The following SNX24 variants were observed in gnomAD, a reference collection of about 807,000 sequenced individuals.
The protein encoded by SNX24 is sorting nexin-24.
SNX24 carries 22 observed loss-of-function variants against 28.7 expected under a neutral mutation model. The ratio of observed to expected loss-of-function variants is 0.77; its 90% CI spans 0.55 to 1.10. SNX24 has a LOEUF of 1.10. Among genes scored for constraint, SNX24 ranks in the 50% least tolerant of loss-of-function variants. SNX24 has a pLI of 0.00. For synonymous variants in SNX24, 69 were observed against 71.5 expected (o/e 0.96, Z 0.18); for missense variants, 221 against 201.1 (o/e 1.10, Z -0.60).
intron 1 of SNX24, among the ~76,000 whole-genome samples, chr5:122,869,997 G>A (rs970443481): frequency 3.3e-5 from 5 of 151,808 alleles, no homozygotes; most frequent in Admixed American, 6.6e-5. Context: ...GTAGTACAAA[G>A]TAGTATAACT....
chr5:122,879,113 A>G (rs1305531966), intron 1 of SNX24, among the ~76,000 whole-genome samples: 1 of 152,230 alleles, frequency 6.6e-6, no homozygotes, highest in Admixed American at 6.5e-5. Flanking sequence ...GTATTATTCT[A>G]ACATGTAATC....
chr5:122,868,963 A>G (rs1368556658), intron 1 of SNX24, among the ~76,000 whole-genome samples: 2 of 152,180 alleles, frequency 1.3e-5, no homozygotes, highest in African/African-American at 4.8e-5. Context: ...GTTTTTCTTC[A>G]TTTTGTTCAG....
chr5:122,984,290 GA>G lies in SNX24; in HGVS notation c.250-15612del, dbSNP rs11395046. Among the ~76,000 whole-genome samples, 473 of 150,074 alleles carry G rather than the reference GA, an allele frequency of 3.2e-3. 2 individuals carry two copies. Among genetic ancestry groups the G allele is most frequent in the African/African-American group, 0.01 (420 of 40,884 alleles). On this transcript the variant is annotated intron_variant, in intron 3 of 6. Transcript: ENST00000261369. ...GTATTCTTAGAATAGCTACAATACAGAAAAAAAAAATCCACTGCATTTTATA... is the reference window on the plus strand; with the variant it reads ...GTATTCTTAGAATAGCTACAATACAGAAAAAAAAATCCACTGCATTTTATA...
chr5:122,935,924 C>T (rs30045), intron 1 of SNX24, among the ~76,000 whole-genome samples: 117,109 of 152,078 alleles, frequency 0.77, 45,969 homozygotes, highest in East Asian at 0.99. Context: ...AAGTCAAATA[C>T]AAACTTTTGG....
At chr5:122,940,257 G>A (rs1040725437) in intron 2 of SNX24, among the ~76,000 whole-genome samples, 2 of 152,110 alleles carry the variant, frequency 1.3e-5, no homozygotes, top group Non-Finnish European at 2.9e-5. Context: ...GCCTCCCAAA[G>A]TGCTAGAGTT....
At chr5:122,927,296 C>G (rs1027217253) in intron 1 of SNX24, among the ~76,000 whole-genome samples, 5 of 152,182 alleles carry the variant, frequency 3.3e-5, no homozygotes, top group African/African-American at 1.2e-4. Flanking sequence ...AGAACTAGAA[C>G]TCCTAACCGC....
At chr5:122,906,257 T>A (rs1356455870) in intron 1 of SNX24, among the ~76,000 whole-genome samples, 1 of 152,222 alleles carries the variant, frequency 6.6e-6, no homozygotes, top group African/African-American at 2.4e-5. Flanking sequence ...TAGCACCCCA[T>A]ACCTGGCTCA....
intron 1 of SNX24, among the ~76,000 whole-genome samples, chr5:122,919,897 A>G (rs756338496): frequency 1.4e-4 from 21 of 152,186 alleles, no homozygotes; most frequent in Admixed American, 2.0e-4. Flanking sequence ...AAATGCCTTT[A>G]AAAGGGCCCA....
chr5:123,012,300 A>G (rs1275234411), downstream of SNX24, among the ~76,000 whole-genome samples: 2 of 152,252 alleles, frequency 1.3e-5, no homozygotes, highest in Non-Finnish European at 2.9e-5. Context: ...CAAAAGGTGG[A>G]AACAACCCAA....
chr5:122,850,794 A>T (rs1300832170), intron 1 of SNX24, among the ~76,000 whole-genome samples: 18 of 113,838 alleles, frequency 1.6e-4, no homozygotes, highest in African/African-American at 4.0e-4. Flanking sequence ...AAAAGTTAAA[A>T]AAAAAAAAAA....
chr5:122,936,812 A>T lies in SNX24; in HGVS notation c.139A>T (p.Lys47Ter). ...ATACAGCGAATTTCATGCTTTGCAC[A>T]AAAAGGTAACTTGTTTTCTGTTTTT... Reference protein sequence around the residue: ...KRYSEFHALHKKLKKCIKTPE... With the variant: ...KRYSEFHALH Residue 47 changes from lysine to a stop codon, truncating the protein, a stop_gained, in exon 2 of 7, where the codon AAA (lysine) becomes TAA (stop). Coordinates refer to ENST00000261369, the MANE Select transcript of SNX24 (RefSeq NM_014035.4). LOFTEE classifies it high-confidence loss of function. 1 of 1,601,204 alleles carries T rather than the reference A, an allele frequency of 6.2e-7. No homozygotes were observed. Among genetic ancestry groups the T allele is most frequent in the Non-Finnish European group, 8.5e-7 (1 of 1,170,172 alleles).
intron 2 of SNX24, 152 bp downstream of exon 2, chr5:122,936,969 A>C (rs1759206895): frequency 2.2e-6 from 1 of 463,806 alleles, no homozygotes; most frequent in African/African-American, 2.0e-5. Flanking sequence ...TTTTGGAATA[A>C]GTTATTCAGT....
intron 5 of SNX24, among the ~76,000 whole-genome samples, chr5:123,027,891 T>G (rs754730151): frequency 6.6e-5 from 10 of 152,236 alleles, no homozygotes; most frequent in Non-Finnish European, 1.5e-4. Flanking sequence ...AAACAGTGTA[T>G]GGAGCTGGAT....
intron 1 of SNX24, among the ~76,000 whole-genome samples, chr5:122,906,045 T>C (rs985284743): frequency 3.9e-5 from 6 of 152,172 alleles, no homozygotes; most frequent in Admixed American, 3.9e-4. Flanking sequence ...CCACAAGCAC[T>C]TCAGGTATAT....
chr5:122,857,854 C>G (rs1175572186), intron 1 of SNX24, among the ~76,000 whole-genome samples: 1 of 152,164 alleles, frequency 6.6e-6, no homozygotes, highest in Non-Finnish European at 1.5e-5. Flanking sequence ...ATAATCTCGG[C>G]TCACTGCAAC....
At chr5:122,859,213 C>T (rs913875824) in intron 1 of SNX24, among the ~76,000 whole-genome samples, 1 of 152,142 alleles carries the variant, frequency 6.6e-6, no homozygotes, top group Non-Finnish European at 1.5e-5. Context: ...GTTAATGGCT[C>T]ATGCCTTCAG....
chr5:123,015,877 C>T (rs1431983975), intron 5 of SNX24, among the ~76,000 whole-genome samples: 1 of 152,108 alleles, frequency 6.6e-6, no homozygotes, highest in Non-Finnish European at 1.5e-5. Flanking sequence ...AGGCATGAGC[C>T]ACCCTTTAAG....
chr5:122,912,554 G>C (rs1207284711), intron 1 of SNX24, among the ~76,000 whole-genome samples: 3 of 152,246 alleles, frequency 2.0e-5, no homozygotes, highest in South Asian at 2.1e-4. Context: ...TGCCAGTTTT[G>C]AAAGGGAATG....
intron 3 of SNX24, among the ~76,000 whole-genome samples, chr5:122,973,995 A>G (rs1761062569): frequency 6.6e-6 from 1 of 152,218 alleles, no homozygotes; most frequent in African/African-American, 2.4e-5. Flanking sequence ...GACTTGTTGC[A>G]GAGCCTTCTC....
Sources: allele counts gnomAD v4.1 joint callset (sites outside exome capture counted in the v4.1 genomes callset), GRCh38; gene constraint gnomAD v4.1.1; transcripts MANE v1.5; gene names NCBI Gene and HGNC (gene_info 2026-07-23, HGNC 2026-07-21).